Variants in ADGRL1 observed in about 807,000 individuals in gnomAD.
ADGRL1 encodes CIRL-1.
Under a neutral mutation model 148.9 loss-of-function variants are expected in ADGRL1, and 31 were observed. The ratio of observed to expected loss-of-function variants is 0.21; its 90% CI spans 0.16 to 0.28. The LOEUF (loss-of-function observed/expected upper bound fraction) is 0.28. ADGRL1 is among the 10% of genes least tolerant of loss of function. ADGRL1 has a pLI of 1.00. For synonymous variants in ADGRL1, 937 were observed against 900.3 expected, an observed-to-expected ratio of 1.04 and a Z score of -0.73; for missense variants, 1,521 against 2,058.8, an observed-to-expected ratio of 0.74 and a Z score of 5.05.
intron 1 of ADGRL1, among the ~76,000 whole-genome samples, chr19:14,201,559 G>A (rs1323040957): frequency 3.3e-5 from 5 of 151,702 alleles, no homozygotes; most frequent in African/African-American, 4.8e-5. Context: ...TGAGACTACA[G>A]GTACATATTC....
At chr19:14,203,915 G>A (rs964281007) in intron 1 of ADGRL1, among the ~76,000 whole-genome samples, 1 of 152,182 alleles carries the variant, frequency 6.6e-6, no homozygotes, top group African/African-American at 2.4e-5. Context: ...ACACACATGG[G>A]GTGGACCGAG....
chr19:14,155,821 G>A lies in ADGRL1; in HGVS notation c.3125+289C>T. Reference sequence around the variant, plus strand: ...CCAGACCACTTAGGCTATATTTGCTGCCTATTTCTCTTTAAGTTGCCCTTA... The same window carrying A: ...CCAGACCACTTAGGCTATATTTGCTACCTATTTCTCTTTAAGTTGCCCTTA... On this transcript the variant is annotated intron_variant, in intron 17 of 22. Coordinates refer to ENST00000361434, the MANE Select transcript of ADGRL1 (RefSeq NM_014921.5). This position sits in a 1 kb window ranked among gnomAD's most constrained non-coding sequence, Gnocchi z 5.0. The A allele has an allele frequency of 3.5e-6, 2 of 578,036 alleles. No homozygotes were observed. Among genetic ancestry groups the A allele is most frequent in the Non-Finnish European group, 3.1e-6 (1 of 324,000 alleles). 35.8% of individuals were successfully genotyped at this position (578,036 alleles called of 1,614,324 possible).
intron 2 of ADGRL1, among the ~76,000 whole-genome samples, chr19:14,179,295 C>G (rs1041864568): frequency 1.3e-5 from 2 of 151,850 alleles, no homozygotes; most frequent in Non-Finnish European, 2.9e-5. Context: ...GTGATTGAGA[C>G]CATCCTGGCT....
rs1224848367 is a variant in ADGRL1 at position 14,151,310 on chromosome 19, G to A, written c.3973C>T (p.Arg1325Trp). 2.5e-6 allele frequency: 4 copies of A among 1,602,158 alleles called. No homozygotes were observed. The highest frequency in any genetic ancestry group is 1.3e-5 in the African/African-American group (1 of 74,478). ...EEAGGPGGAD[R>W]AEIELLYKAL... ...TTATAGAGAAGTTCAATCTCGGCCC[G>A]GTCAGCACCCCCGGGCCCGCCCGCC... Residue 1325 changes from arginine (R) to tryptophan (W), a missense_variant, in exon 23 of 23, where the codon CGG (arginine) becomes TGG (tryptophan). Coordinates refer to ENST00000361434, the MANE Select transcript of ADGRL1 (RefSeq NM_014921.5).
chr19:14,157,530 C>A lies in ADGRL1; in HGVS notation c.2536-70G>T. ...ACGCTGGGCTCAGCCAGGTGCCAGCCACAGACAGGGCCCTGGGCAAGGCCA... is the reference window on the plus strand; with the variant it reads ...ACGCTGGGCTCAGCCAGGTGCCAGCAACAGACAGGGCCCTGGGCAAGGCCA... On this transcript the variant is annotated intron_variant, in intron 13 of 22. Transcript: ENST00000361434. This position sits in a 1 kb window ranked among gnomAD's most constrained non-coding sequence, Gnocchi z 7.5. The A allele has an allele frequency of 6.7e-7, 1 of 1,499,204 alleles. No homozygotes were observed. Among genetic ancestry groups the A allele is most frequent in the Non-Finnish European group, 9.2e-7 (1 of 1,082,436 alleles). The allele number at this position is 1,499,204 out of a possible 1,614,324, so 92.9% of individuals were successfully genotyped here.
Position 14,161,517 on chromosome 19 carries a change from G to C in ADGRL1, c.1305C>G (p.Thr435=), listed in dbSNP as rs1260854743. ...GGTTGATGGCACCCACTGGGTGCGT[G>C]GTGAGGGGTGCCCGGCGGAGCGGGG... ...ATTPLRRAPL[T]THPVGAINQL... The change falls in exon 6 of 23, where the codon ACC becomes ACG. Residue 435 remains threonine, a synonymous_variant. Coordinates refer to ENST00000361434, the MANE Select transcript of ADGRL1 (RefSeq NM_014921.5). The surrounding 1 kb of genome is among the most constrained non-coding windows in gnomAD (Gnocchi z 4.4). 4.1e-6 allele frequency: 6 copies of C among 1,448,132 alleles called. No homozygotes were observed. In the South Asian group the frequency reaches 5.9e-5, roughly 14 times the overall value. The allele number at this position is 1,448,132 out of a possible 1,614,324, so 89.7% of individuals were successfully genotyped here.
At chr19:14,183,795 A>G (rs1971388471) in intron 1 of ADGRL1, 98 bp from the exon 2 acceptor site, 2 of 577,776 alleles carry the variant, frequency 3.5e-6, no homozygotes, top group Non-Finnish European at 6.1e-6. Context: ...GCTGAGGTCC[A>G]GCACGTCCCT....
chr19:14,157,362 G>A lies in ADGRL1; in HGVS notation c.2634C>T (p.Cys878=), dbSNP rs761140415. 17 of 1,614,102 alleles carry A rather than the reference G, an allele frequency of 1.1e-5. 1 individual carries two copies. The highest frequency in any genetic ancestry group is 3.3e-4 in the Middle Eastern group (2 of 6,084). Residue 878 remains cysteine (C), a synonymous_variant, in exon 14 of 23, where the codon TGC becomes TGT. Coordinates refer to ENST00000361434, the MANE Select transcript of ADGRL1 (RefSeq NM_014921.5). This position sits in a 1 kb window ranked among gnomAD's most constrained non-coding sequence, Gnocchi z 7.5. ...GGTCGGTCTGCAGCCCCCGCAGGAA[G>A]CAGAAGGTGGAGATGCAGATGGCCA... ...VCLAICISTF[C]FLRGLQTDRN...
At chr19:14,166,092 G>C (rs1176323617) in intron 4 of ADGRL1, among the ~76,000 whole-genome samples, 1 of 152,056 alleles carries the variant, frequency 6.6e-6, no homozygotes, top group Non-Finnish European at 1.5e-5. Flanking sequence ...TCCCCAGACT[G>C]TGCCCCCGCC....
At position 14,150,085 on chromosome 19, in the gene ADGRL1, C is replaced by G. The variant is rs568900253; in HGVS notation, c.*788G>C. Reference sequence around the variant, plus strand: ...AGATCCAGACCCAAAATCTGCTCCCCAGATAGCCGAGCCCACAGGACTGGG... The same window carrying G: ...AGATCCAGACCCAAAATCTGCTCCCGAGATAGCCGAGCCCACAGGACTGGG... On this transcript the variant is annotated 3_prime_UTR_variant, in exon 23 of 23. Transcript: ENST00000361434. 1 of 152,504 alleles carries G rather than the reference C, an allele frequency of 6.6e-6. No homozygotes were observed. Among genetic ancestry groups the G allele is most frequent in the South Asian group, 2.1e-4 (1 of 4,826 alleles). 9.4% of individuals were successfully genotyped at this position (152,504 alleles called of 1,614,324 possible).
chr19:14,197,503 C>A (rs1315764131), intron 1 of ADGRL1, among the ~76,000 whole-genome samples: 1 of 152,162 alleles, frequency 6.6e-6, no homozygotes, highest in African/African-American at 2.4e-5. Flanking sequence ...CTCCCTATTG[C>A]CTGTGATGCT....
chr19:14,183,807 G>A (rs890461951), intron 1 of ADGRL1, 110 bp from the exon 2 acceptor site: 7 of 565,674 alleles, frequency 1.2e-5, no homozygotes, highest in African/African-American at 3.8e-5. Flanking sequence ...CACGTCCCTC[G>A]AGCCAGCCCT....
At position 14,155,098 on chromosome 19, in the gene ADGRL1, T is replaced by G; in HGVS notation, c.3294+261A>C. The G allele has an allele frequency of 3.9e-6, 1 of 255,970 alleles. No individual in the cohort carries two copies. The highest frequency in any genetic ancestry group is 7.5e-6 in the Non-Finnish European group (1 of 132,866). The allele number at this position is 255,970 out of a possible 1,614,324, so 15.9% of individuals were successfully genotyped here. On this transcript the variant is annotated intron_variant, in intron 18 of 22. Coordinates refer to ENST00000361434, the MANE Select transcript of ADGRL1 (RefSeq NM_014921.5). This position sits in a 1 kb window ranked among gnomAD's most constrained non-coding sequence, Gnocchi z 5.0. ...CCCTCATGGTGGTGAGGGTTCCCCA[T>G]TACCAAATCTGTTCTGCTCTCACTC...
intron 1 of ADGRL1, among the ~76,000 whole-genome samples, chr19:14,199,510 C>T (rs1445522294): frequency 6.6e-6 from 1 of 151,896 alleles, no homozygotes; most frequent in Non-Finnish European, 1.5e-5. Context: ...TAGCTCACCA[C>T]AGCCTCTGAG....
rs1449001992 is a variant in ADGRL1 at position 14,166,933 on chromosome 19, C to A, written c.395-3527G>T. 4.3e-6 allele frequency: 6 copies of A among 1,393,644 alleles called. No homozygotes were observed. In the African/African-American group the frequency reaches 8.6e-5, roughly 20 times the overall value. 86.3% of individuals were successfully genotyped at this position (1,393,644 alleles called of 1,614,324 possible). On this transcript the variant is annotated intron_variant, in intron 4 of 22. Transcript: ENST00000361434. ...TGTGGGTTGGGGAGAGAAGAAGGGG[C>A]CGGGGGAGGGCAGGTCACATAAGTA...
chr19:14,150,770 G>A lies in ADGRL1; in HGVS notation c.*103C>T. On this transcript the variant is annotated 3_prime_UTR_variant, in exon 23 of 23. Transcript: ENST00000361434. ...TGGCTGAGGGGCACCTGGAGAGAGT[G>A]GCCCACCAGCCACTGCCTCCATCTG... 7.2e-7 allele frequency: 1 copy of A among 1,386,982 alleles called. No individual in the cohort carries two copies. The highest frequency in any genetic ancestry group is 9.8e-7 in the Non-Finnish European group (1 of 1,020,084). 85.9% of individuals were successfully genotyped at this position (1,386,982 alleles called of 1,614,324 possible).
Position 14,150,633 on chromosome 19 carries a change from C to T in ADGRL1, c.*240G>A, listed in dbSNP as rs957919968. 8.0e-5 allele frequency: 45 copies of T among 559,212 alleles called. 1 individual carries two copies. The highest frequency in any genetic ancestry group is 2.5e-4 in the South Asian group (11 of 43,238). The allele number at this position is 559,212 out of a possible 1,614,324, so 34.6% of individuals were successfully genotyped here. ...CTGGGGTCCTCTGGGCTCCTCCTCA[C>T]TACACTTCCCCCAAATAGAGCTGGT... On this transcript the variant is annotated 3_prime_UTR_variant, in exon 23 of 23. Transcript: ENST00000361434.
chr19:14,162,946 C>T lies in ADGRL1; in HGVS notation c.855G>A (p.Leu285=). The T allele has an allele frequency of 6.2e-7, 1 of 1,613,618 alleles. No individual in the cohort carries two copies. Among genetic ancestry groups the T allele is most frequent in the Non-Finnish European group, 8.5e-7 (1 of 1,179,842 alleles). The part of the protein sequence containing the change: ...IYATEGNNGR[L]VVSQLNPYTL... ...TGTAGGGGTTCAGCTGGCTCACCACCAGCCGCCCGTTGTTGCCCTCAGTGG... is the reference window on the plus strand; with the variant it reads ...TGTAGGGGTTCAGCTGGCTCACCACTAGCCGCCCGTTGTTGCCCTCAGTGG... Residue 285 remains leucine (L), a synonymous_variant, in exon 5 of 23, where the codon CTG becomes CTA. Transcript: ENST00000361434. This position sits in a 1 kb window ranked among gnomAD's most constrained non-coding sequence, Gnocchi z 5.4.
chr19:14,155,192 C>T lies in ADGRL1; in HGVS notation c.3294+167G>A. 1.4e-6 allele frequency: 1 copy of T among 713,618 alleles called. No individual in the cohort carries two copies. The highest frequency in any genetic ancestry group is 2.3e-6 in the Non-Finnish European group (1 of 437,276). The allele number at this position is 713,618 out of a possible 1,614,324, so 44.2% of individuals were successfully genotyped here. On this transcript the variant is annotated intron_variant, in intron 18 of 22. Transcript: ENST00000361434. The surrounding 1 kb of genome is among the most constrained non-coding windows in gnomAD (Gnocchi z 5.0). ...TGGTTAAACCCTCCCTAACCCTGAGCTCGTGCTCCCCTCCCGGTGGACGCA... is the reference window on the plus strand; with the variant it reads ...TGGTTAAACCCTCCCTAACCCTGAGTTCGTGCTCCCCTCCCGGTGGACGCA...
Sources: allele counts gnomAD v4.1 joint callset (sites outside exome capture counted in the v4.1 genomes callset), GRCh38; gene constraint gnomAD v4.1.1; non-coding constraint Gnocchi (gnomAD v3.1); transcripts MANE v1.5; gene names NCBI Gene and HGNC (gene_info 2026-07-23, HGNC 2026-07-21).